The following ZNF804B variants were observed in gnomAD, a reference collection of about 807,000 sequenced individuals.
The protein encoded by ZNF804B is zinc finger 804B.
A neutral mutation model predicts 101.4 loss-of-function variants in ZNF804B; 80 were observed. The ratio of observed to expected loss-of-function variants is 0.79; its 90% CI spans 0.66 to 0.95. The LOEUF (loss-of-function observed/expected upper bound fraction) is 0.95, where lower values mean the gene tolerates loss of function less well. ZNF804B is among the 40% of genes least tolerant of loss of function. The pLI is 0.00. For missense variants in ZNF804B, 1,673 were observed against 1,561.9 expected (o/e 1.07, Z -1.20); for synonymous variants, 622 against 558.8 (o/e 1.11, Z -1.59).
At chr7:89,121,049 G>A (rs531990988) in intron 1 of ZNF804B, among the ~76,000 whole-genome samples, 54 of 152,266 alleles carry the variant, frequency 3.5e-4, no homozygotes, top group African/African-American at 1.3e-3. Context: ...TTGTAAGGAT[G>A]ATAAACGAAA....
rs141067567 is a variant in ZNF804B at position 88,983,428 on chromosome 7, C to T, written c.108+223344C>T. On this transcript the variant is annotated intron_variant, in intron 1 of 3. Transcript: ENST00000333190. ...GGATGGACCCTGATAATTTGCACTT[C>T]TAGTCAAATTTCATGGTGATGCTGA... Among the ~76,000 whole-genome samples, 381 of 152,068 alleles carry T rather than the reference C, an allele frequency of 2.5e-3. 5 individuals carry two copies. Among genetic ancestry groups the T allele is most frequent in the African/African-American group, 8.4e-3 (350 of 41,516 alleles).
chr7:89,026,220 C>T (rs952644543), intron 1 of ZNF804B, among the ~76,000 whole-genome samples: 1 of 152,042 alleles, frequency 6.6e-6, no homozygotes, highest in African/African-American at 2.4e-5. Flanking sequence ...TAGTAATATA[C>T]CATAACAAGT....
chr7:89,009,350 T>C (rs928468451), intron 1 of ZNF804B, among the ~76,000 whole-genome samples: 1 of 152,200 alleles, frequency 6.6e-6, no homozygotes, highest in African/African-American at 2.4e-5. Flanking sequence ...CAAATATATG[T>C]ATCCACTCTC....
chr7:89,204,871 T>G (rs150019662), intron 1 of ZNF804B, among the ~76,000 whole-genome samples: 58 of 152,232 alleles, frequency 3.8e-4, no homozygotes, highest in African/African-American at 1.4e-3. Flanking sequence ...CTAAATAGTT[T>G]CTCTTATTAT....
At position 89,334,848 on chromosome 7, in the gene ZNF804B, T is replaced by G. The variant is rs150870900; in HGVS notation, c.1866T>G (p.Asp622Glu). Residue 622 changes from aspartate (D) to glutamate (E), a missense_variant, in exon 4 of 4, where the codon GAT becomes GAG. Physicochemically the swap from Asp to Glu is conservative, Grantham distance 45 (BLOSUM62 2). Coordinates refer to ENST00000333190, the MANE Select transcript of ZNF804B (RefSeq NM_181646.5). ...GCRKAVLNDI[D>E]EDLSFPSYIS... The stretch of plus-strand genomic sequence containing the variant: ...GAAAGGCAGTTCTAAATGATATAGA[T>G]GAGGACCTATCTTTTCCTTCCTACA... 9.1e-4 allele frequency: 1,468 copies of G among 1,613,814 alleles called. 17 individuals carry two copies. In the African/African-American group the frequency reaches 0.017, roughly 19 times the overall value.
chr7:89,030,287 A>G (rs1350209665), intron 1 of ZNF804B, among the ~76,000 whole-genome samples: 2 of 152,182 alleles, frequency 1.3e-5, no homozygotes, highest in Non-Finnish European at 2.9e-5. Context: ...GAATTTGTGT[A>G]TGCAATTTTA....
intron 1 of ZNF804B, among the ~76,000 whole-genome samples, chr7:88,770,695 G>A (rs2519951): frequency 2.6e-5 from 4 of 151,902 alleles, no homozygotes; most frequent in Non-Finnish European, 5.9e-5. Flanking sequence ...CTGTCTCTGC[G>A]CAAATGTCCC....
At chr7:89,317,945 G>C (rs142412251) in intron 2 of ZNF804B, among the ~76,000 whole-genome samples, 38 of 152,226 alleles carry the variant, frequency 2.5e-4, no homozygotes, top group African/African-American at 8.9e-4. Context: ...TTGAAGAGAA[G>C]AGCATCAAAA....
chr7:89,100,815 G>A lies in ZNF804B; in HGVS notation c.109-117340G>A, dbSNP rs547654774. On this transcript the variant is annotated intron_variant, in intron 1 of 3. Transcript: ENST00000333190. ...TAATGGAATATTCCATTGTATGCCT[G>A]TAACAAATTATCTCACATACTACAT... is the stretch of plus-strand genomic sequence containing the variant. Among the ~76,000 whole-genome samples the A allele has an allele frequency of 2.0e-5, 3 of 151,942 alleles. No homozygotes were observed. The South Asian group carries it at 6.2e-4, about 32-fold the overall frequency.
At position 88,823,071 on chromosome 7, in the gene ZNF804B, G is replaced by A. The variant is rs114591545; in HGVS notation, c.108+62987G>A. Reference sequence around the variant, plus strand: ...AAAAAAATACAAAAATTAGCCTGGCGTAGTGGCAGATGCCTGTAATCCCAG... The same window carrying A: ...AAAAAAATACAAAAATTAGCCTGGCATAGTGGCAGATGCCTGTAATCCCAG... On this transcript the variant is annotated intron_variant, in intron 1 of 3. Transcript: ENST00000333190. Among the ~76,000 whole-genome samples, 798 of 152,174 alleles carry A rather than the reference G, an allele frequency of 5.2e-3. 9 individuals are homozygous for A. Among genetic ancestry groups the A allele is most frequent in the African/African-American group, 0.018 (763 of 41,520 alleles).
intron 1 of ZNF804B, among the ~76,000 whole-genome samples, chr7:89,000,458 A>G (rs1788266883): frequency 6.6e-6 from 1 of 151,986 alleles, no homozygotes; most frequent in African/African-American, 2.4e-5. Flanking sequence ...AAATTTTGAT[A>G]TAGTTGTCAA....
chr7:88,810,749 A>T (rs905303024), intron 1 of ZNF804B, among the ~76,000 whole-genome samples: 1 of 152,144 alleles, frequency 6.6e-6, no homozygotes, highest in South Asian at 2.1e-4. Flanking sequence ...ATAAATTCCA[A>T]TGTACAAATG....
chr7:88,927,485 G>T (rs975094638), intron 1 of ZNF804B, among the ~76,000 whole-genome samples: 3 of 152,116 alleles, frequency 2.0e-5, no homozygotes, highest in Non-Finnish European at 4.4e-5. Context: ...ATTTGAGCAT[G>T]CATAGAGAAC....
intron 1 of ZNF804B, among the ~76,000 whole-genome samples, chr7:88,770,064 G>A (rs1029957284): frequency 6.6e-6 from 1 of 151,994 alleles, no homozygotes; most frequent in Non-Finnish European, 1.5e-5. Context: ...TAAATTCTTT[G>A]CCTTATTTAT....
At chr7:88,893,013 G>A (rs1792235199) in intron 1 of ZNF804B, among the ~76,000 whole-genome samples, 1 of 152,072 alleles carries the variant, frequency 6.6e-6, no homozygotes, top group Admixed American at 6.6e-5. Context: ...AGAGTGTGTT[G>A]CCTTTTGTGG....
At chr7:89,319,640 G>A (rs1790789144) in intron 2 of ZNF804B, among the ~76,000 whole-genome samples, 1 of 152,150 alleles carries the variant, frequency 6.6e-6, no homozygotes, top group Non-Finnish European at 1.5e-5. Context: ...CTTTTAGCAA[G>A]TACTACACAG....
chr7:89,038,197 G>C (rs1379375463), intron 1 of ZNF804B, among the ~76,000 whole-genome samples: 1 of 152,118 alleles, frequency 6.6e-6, no homozygotes, highest in Non-Finnish European at 1.5e-5. Context: ...TGTATCCTCA[G>C]AAGTGGGATT....
intron 1 of ZNF804B, among the ~76,000 whole-genome samples, chr7:88,835,394 G>A (rs6465162): frequency 0.5 from 76,057 of 151,662 alleles, 20,997 homozygotes; most frequent in East Asian, 0.81. Context: ...TCTGTTGTTG[G>A]AGGAGAGATC....
At chr7:89,260,857 A>C (rs1294339999) in intron 2 of ZNF804B, among the ~76,000 whole-genome samples, 1 of 152,218 alleles carries the variant, frequency 6.6e-6, no homozygotes, top group South Asian at 2.1e-4. Flanking sequence ...TTGCAATGTC[A>C]TGAGTTTTCT....
Sources: gnomAD v4.1 joint callset for allele counts (sites outside exome capture counted in the v4.1 genomes callset) on GRCh38, gnomAD v4.1.1 for gene constraint, MANE v1.5 for transcripts, NCBI Gene and HGNC (gene_info 2026-07-23, HGNC 2026-07-21) for gene names.